Variants in ADK observed in about 807,000 individuals in gnomAD.
ADK encodes the protein N6,N6-dimethyladenosine kinase.
In ADK, 24 loss-of-function variants were observed where a neutral mutation model predicts 44.7. The ratio of observed to expected loss-of-function variants is 0.54; its 90% CI spans 0.39 to 0.76. The LOEUF (loss-of-function observed/expected upper bound fraction) is 0.76. ADK is among the 30% of genes least tolerant of loss of function. The pLI is 0.00. For missense variants in ADK, 321 were observed against 425.1 expected, an observed-to-expected ratio of 0.76 and a Z score of 2.15; for synonymous variants, 128 against 142.6, an observed-to-expected ratio of 0.90 and a Z score of 0.73.
At chr10:74,493,632 C>T (rs541087182) in intron 6 of ADK, among the ~76,000 whole-genome samples, 1 of 152,044 alleles carries the variant, frequency 6.6e-6, no homozygotes, top group South Asian at 2.1e-4. Context: ...GATCCACCCA[C>T]CTCAGCCTCC....
At chr10:74,530,869 G>C (rs759814940) in intron 7 of ADK, among the ~76,000 whole-genome samples, 3 of 152,116 alleles carry the variant, frequency 2.0e-5, no homozygotes, top group Non-Finnish European at 4.4e-5. Context: ...AGGTTGCAGC[G>C]AGCCAAAATT....
At position 74,666,293 on chromosome 10, in the gene ADK, G is replaced by A. The variant is rs1343042619; in HGVS notation, c.878-3890G>A. 2.0e-5 allele frequency among the ~76,000 whole-genome samples: 3 copies of A among 152,078 alleles called. No individual in the cohort carries two copies. In the East Asian group the frequency reaches 5.8e-4, roughly 29 times the overall value. On this transcript the variant is annotated intron_variant, in intron 9 of 10. Coordinates refer to ENST00000539909, the MANE Select transcript of ADK (RefSeq NM_006721.4). Reference sequence around the variant, plus strand: ...CTAAAATTGATTATTTTGTATTCTAGGTAAGCTAAATTTTATTGTTTTGAA... The same window carrying A: ...CTAAAATTGATTATTTTGTATTCTAAGTAAGCTAAATTTTATTGTTTTGAA...
intron 10 of ADK, among the ~76,000 whole-genome samples, chr10:74,670,523 C>A (rs1333827217): frequency 1.3e-5 from 2 of 152,162 alleles, no homozygotes; most frequent in Non-Finnish European, 2.9e-5. Context: ...TTGTATCTGT[C>A]AGAAAATTGC....
intron 4 of ADK, among the ~76,000 whole-genome samples, chr10:74,319,492 G>A (rs1317098386): frequency 6.6e-6 from 1 of 152,110 alleles, no homozygotes; most frequent in Non-Finnish European, 1.5e-5. Context: ...TTGGATTAAG[G>A]CCTACCTTAC....
chr10:74,315,852 TG>T (rs986547729), intron 4 of ADK, among the ~76,000 whole-genome samples: 1 of 152,210 alleles, frequency 6.6e-6, no homozygotes, highest in African/African-American at 2.4e-5. Context: ...TAATATGAAG[TG>T]GCCTGAGTCT....
intron 6 of ADK, among the ~76,000 whole-genome samples, chr10:74,422,098 C>G (rs1038475406): frequency 6.6e-6 from 1 of 152,098 alleles, no homozygotes; most frequent in African/African-American, 2.4e-5. Flanking sequence ...TTGACTATTT[C>G]CATTGGAGAA....
chr10:74,367,833 T>C (rs180711640), intron 4 of ADK, among the ~76,000 whole-genome samples: 116 of 152,308 alleles, frequency 7.6e-4, no homozygotes, highest in Non-Finnish European at 1.5e-5. Context: ...GTCTAGTGTT[T>C]CTAAGCATAA....
intron 4 of ADK, among the ~76,000 whole-genome samples, chr10:74,365,111 T>C (rs181479055): frequency 1.1e-4 from 16 of 152,330 alleles, no homozygotes; most frequent in Admixed American, 1.0e-3. Flanking sequence ...TTAAGAAAAC[T>C]TTTAAACTGA....
chr10:74,304,423 A>T (rs1281598681), intron 3 of ADK, among the ~76,000 whole-genome samples: 1 of 152,196 alleles, frequency 6.6e-6, no homozygotes, highest in African/African-American at 2.4e-5. Flanking sequence ...GGAAGCAAGT[A>T]TAAACACCTT....
intron 2 of ADK, 30 bp from the exon 3 acceptor site, chr10:74,224,508 A>G (rs767741490): frequency 4.5e-5 from 72 of 1,593,200 alleles, no homozygotes; most frequent in Non-Finnish European, 6.0e-6. Context: ...TGTGTGTATG[A>G]AGAGTGTAAT....
At chr10:74,399,961 T>C (rs1056065445) in intron 6 of ADK, among the ~76,000 whole-genome samples, 19 of 152,136 alleles carry the variant, frequency 1.2e-4, no homozygotes, top group Admixed American at 1.2e-3. Context: ...CAGTATAACA[T>C]GTCTAGCCAA....
intron 2 of ADK, among the ~76,000 whole-genome samples, chr10:74,221,231 C>G (rs1228714862): frequency 9.9e-5 from 15 of 151,736 alleles, no homozygotes; most frequent in Non-Finnish European, 1.8e-4. Context: ...CAATAACAGA[C>G]AAACAGAGAG....
intron 2 of ADK, among the ~76,000 whole-genome samples, chr10:74,217,607 C>A (rs531125928): frequency 3.9e-5 from 6 of 152,340 alleles, no homozygotes; most frequent in African/African-American, 1.4e-4. Flanking sequence ...AGCAGCCTAA[C>A]TGGGAGGCAC....
intron 7 of ADK, among the ~76,000 whole-genome samples, chr10:74,574,143 A>G (rs1460498412): frequency 6.7e-6 from 1 of 149,062 alleles, no homozygotes; most frequent in Non-Finnish European, 1.5e-5. Flanking sequence ...CCATTTGGCC[A>G]TCTTGGCTCC....
chr10:74,270,542 T>A (rs1846391357), intron 3 of ADK, among the ~76,000 whole-genome samples: 1 of 152,136 alleles, frequency 6.6e-6, no homozygotes. Flanking sequence ...GGATTACAGG[T>A]GTGAGCCACT....
rs370658899 is a variant in ADK, at chr10:74,302,232, G to A, written c.195-12435G>A. On this transcript the variant is annotated intron_variant, in intron 3 of 10. Transcript: ENST00000539909. ...CAACCCCTACCTCCCGGGTTCAAGC[G>A]ATTCTTCCACCTCAGCCTCCTGAGT... Among the ~76,000 whole-genome samples the A allele has an allele frequency of 2.3e-4, 34 of 145,210 alleles. No homozygotes were observed. The South Asian group carries it at 6.5e-3, about 28-fold the overall frequency.
At chr10:74,472,009 T>C (rs1257520626) in intron 6 of ADK, among the ~76,000 whole-genome samples, 1 of 152,102 alleles carries the variant, frequency 6.6e-6, no homozygotes, top group African/African-American at 2.4e-5. Flanking sequence ...CTCTTTCCTT[T>C]CTTTCTTTCT....
At chr10:74,434,090 CCAGAGGGAGAAATG>C (rs1845100338) in intron 6 of ADK, among the ~76,000 whole-genome samples, 1 of 151,958 alleles carries the variant, frequency 6.6e-6, no homozygotes, top group African/African-American at 2.4e-5. Flanking sequence ...TTTAGTAAAT[CCAGAGGGAGAAATG>C]ATTTTCTATA....
chr10:74,486,634 A>G (rs190377823), intron 6 of ADK, among the ~76,000 whole-genome samples: 5 of 152,304 alleles, frequency 3.3e-5, no homozygotes, highest in African/African-American at 9.6e-5. Context: ...TGAGGCTATA[A>G]TGTGAGTTTG....
Sources: gnomAD v4.1 joint callset for allele counts (sites outside exome capture counted in the v4.1 genomes callset) on GRCh38, gnomAD v4.1.1 for gene constraint, MANE v1.5 for transcripts, NCBI Gene and HGNC (gene_info 2026-07-23, HGNC 2026-07-21) for gene names.